Variants in TP63 observed in about 807,000 individuals in gnomAD.
TP63 encodes tumor protein 63.
Under a neutral mutation model 82.8 loss-of-function variants are expected in TP63, and 17 were observed. That is an observed-to-expected ratio of 0.21 (90% confidence interval 0.14 to 0.31). TP63 has a LOEUF of 0.31. Ranked by LOEUF, TP63 falls within the 10% of genes least tolerant of loss-of-function variation. The probability of loss-of-function intolerance (pLI) is 1.00; values close to 1 mark genes in which losing one functional copy is unlikely to be tolerated. For synonymous variants in TP63, 330 were observed against 321.7 expected (o/e 1.03, Z -0.28); for missense variants, 648 against 895.3 (o/e 0.72, Z 3.52).
chr3:189,782,127 G>T (rs921976084), intron 3 of TP63, among the ~76,000 whole-genome samples: 3 of 152,112 alleles, frequency 2.0e-5, no homozygotes, highest in African/African-American at 7.2e-5. Flanking sequence ...ATCCTGAAAT[G>T]CAAGAGGGGT....
intron 1 of TP63, among the ~76,000 whole-genome samples, chr3:189,720,326 T>G (rs1464479879): frequency 6.6e-6 from 1 of 152,178 alleles, no homozygotes; most frequent in Non-Finnish European, 1.5e-5. Flanking sequence ...TAAATATTAT[T>G]TTTATTATCA....
Position 189,646,144 on chromosome 3 carries a change from A to C in TP63, c.62+14567A>C, listed in dbSNP as rs537459732. Among the ~76,000 whole-genome samples the C allele has an allele frequency of 2.7e-5, 4 of 147,186 alleles. 1 individual carries two copies. The highest frequency in any genetic ancestry group is 6.7e-5 in the Admixed American group (1 of 14,940). On this transcript the variant is annotated intron_variant, in intron 1 of 13. Coordinates refer to ENST00000264731, the MANE Select transcript of TP63 (RefSeq NM_003722.5). The stretch of plus-strand genomic sequence containing the variant: ...ACCTGGGAATAGTATTAGAAATGCA[A>C]ATTCTCAGGTCCACATGTGTACTAT...
At chr3:189,761,850 C>CA (rs1722602384) in intron 3 of TP63, among the ~76,000 whole-genome samples, 1 of 152,306 alleles carries the variant, frequency 6.6e-6, no homozygotes, top group South Asian at 2.1e-4. Flanking sequence ...CAAGGAGGAG[C>CA]AAGTCACATC....
chr3:189,836,984 C>A (rs1269787316), intron 4 of TP63, among the ~76,000 whole-genome samples: 1 of 152,222 alleles, frequency 6.6e-6, no homozygotes, highest in African/African-American at 2.4e-5. Context: ...TCACTTCTCA[C>A]ATGCAAAGTT....
intron 4 of TP63, among the ~76,000 whole-genome samples, chr3:189,823,525 G>A (rs886663691): frequency 6.6e-5 from 10 of 152,168 alleles, no homozygotes; most frequent in African/African-American, 2.4e-4. Context: ...GAAGGACAGA[G>A]GTGAGATAGG....
At chr3:189,873,105 T>C (rs1718639210) in intron 10 of TP63, 110 bp downstream of exon 10, 1 of 1,551,822 alleles carries the variant, frequency 6.4e-7, no homozygotes, top group Admixed American at 1.7e-5. Flanking sequence ...GATAGCAGAT[T>C]GTCATAGATT....
At chr3:189,626,040 G>C in the TP63 span, among the ~76,000 whole-genome samples, 1 of 152,180 alleles carries the variant, frequency 6.6e-6, no homozygotes, top group African/African-American at 2.4e-5. Flanking sequence ...GACCTGAAGA[G>C]AGATGGAGGT....
intron 3 of TP63, among the ~76,000 whole-genome samples, chr3:189,779,344 C>T (rs1046152959): frequency 3.9e-5 from 6 of 152,130 alleles, no homozygotes; most frequent in Admixed American, 1.3e-4. Flanking sequence ...CTTAACCACC[C>T]GGGTCACAGA....
intron 1 of TP63, among the ~76,000 whole-genome samples, chr3:189,639,166 CA>C (rs1274973776): frequency 6.6e-6 from 1 of 152,108 alleles, no homozygotes; most frequent in African/African-American, 2.4e-5. Context: ...AGTCCTCAAG[CA>C]ACAAGTGATG....
upstream of TP63, among the ~76,000 whole-genome samples, chr3:189,629,637 C>G (rs1372519756): frequency 6.6e-6 from 1 of 152,102 alleles, no homozygotes; most frequent in African/African-American, 2.4e-5. Context: ...AACCTGGGAA[C>G]GTGTTAGAAA....
At chr3:189,714,603 TCACTGATG>T (rs1718825423) in intron 1 of TP63, among the ~76,000 whole-genome samples, 1 of 152,192 alleles carries the variant, frequency 6.6e-6, no homozygotes, top group African/African-American at 2.4e-5. Context: ...ACTGTATCTC[TCACTGATG>T]TACACCACAG....
chr3:189,819,255 G>GT (rs1427484052), intron 4 of TP63, among the ~76,000 whole-genome samples: 2 of 152,072 alleles, frequency 1.3e-5, no homozygotes, highest in Non-Finnish European at 2.9e-5. Context: ...AGGCTGTGTT[G>GT]AAGTTATATA....
intron 1 of TP63, among the ~76,000 whole-genome samples, chr3:189,686,364 G>A (rs1439127293): frequency 2.0e-5 from 3 of 152,136 alleles, no homozygotes; most frequent in South Asian, 2.1e-4. Flanking sequence ...AACAAGAATG[G>A]CTGGAAACAG....
chr3:189,669,560 T>C (rs1359242006), intron 1 of TP63, among the ~76,000 whole-genome samples: 1 of 151,916 alleles, frequency 6.6e-6, no homozygotes, highest in Non-Finnish European at 1.5e-5. Context: ...GTAAAGTGGG[T>C]TTATAAAATC....
chr3:189,834,063 G>T (rs1327187204), intron 4 of TP63, among the ~76,000 whole-genome samples: 1 of 152,172 alleles, frequency 6.6e-6, no homozygotes, highest in Non-Finnish European at 1.5e-5. Flanking sequence ...CGATTTTGAA[G>T]GTTGAGAGAC....
intron 1 of TP63, among the ~76,000 whole-genome samples, chr3:189,692,669 A>G (rs1303649059): frequency 6.6e-6 from 1 of 152,208 alleles, no homozygotes; most frequent in Non-Finnish European, 1.5e-5. Context: ...TCTATGAACA[A>G]CTGAGCAATA....
intron 4 of TP63, among the ~76,000 whole-genome samples, chr3:189,815,559 G>A (rs1428403177): frequency 6.6e-6 from 1 of 152,020 alleles, no homozygotes; most frequent in East Asian, 1.9e-4. Flanking sequence ...TTTTAAAAGA[G>A]TAACTAGAAA....
intron 3 of TP63, among the ~76,000 whole-genome samples, chr3:189,769,688 G>A (rs549009913): frequency 6.6e-6 from 1 of 152,086 alleles, no homozygotes; most frequent in African/African-American, 2.4e-5. Context: ...CAAAATGACT[G>A]TGCCCATTTA....
intron 4 of TP63, among the ~76,000 whole-genome samples, chr3:189,863,270 C>A (rs982546232): frequency 1.8e-4 from 27 of 152,142 alleles, no homozygotes; most frequent in African/African-American, 6.5e-4. Context: ...GAGCAAAGTG[C>A]CTGAGTGGCT....
Sources: gnomAD v4.1 joint callset for allele counts (sites outside exome capture counted in the v4.1 genomes callset) on GRCh38, gnomAD v4.1.1 for gene constraint, MANE v1.5 for transcripts, NCBI Gene and HGNC (gene_info 2026-07-23, HGNC 2026-07-21) for gene names.